Variants in CC2D2A observed in about 807,000 individuals in gnomAD.
CC2D2A encodes coiled-coil and C2 domain containing 2A.
In CC2D2A, 155 loss-of-function variants were observed where a neutral mutation model predicts 212.9. The ratio of observed to expected loss-of-function variants is 0.73; its 90% confidence interval spans 0.64 to 0.83. CC2D2A has a LOEUF of 0.83. Ranked by LOEUF, CC2D2A falls within the 40% of genes least tolerant of loss-of-function variation. The probability of loss-of-function intolerance (pLI) is 0.00; values close to 1 mark genes in which losing one functional copy is unlikely to be tolerated. For missense variants in CC2D2A, 1,856 were observed against 1,956.2 expected (o/e 0.95, Z 0.97); for synonymous variants, 667 against 686.5 (o/e 0.97, Z 0.44).
At chr4:15,555,267 C>A in intron 20 of CC2D2A, 57 bp downstream of exon 20, 1 of 1,584,726 alleles carries the variant, frequency 6.3e-7, no homozygotes, top group Non-Finnish European at 8.6e-7. Flanking sequence ...CACAATTTTC[C>A]TTTACACTAT....
intron 7 of CC2D2A, 55 bp downstream of exon 7, chr4:15,510,295 C>A: frequency 6.8e-7 from 1 of 1,475,092 alleles, no homozygotes; most frequent in Non-Finnish European, 9.4e-7. Context: ...TTACAAATAT[C>A]CAATGACACA....
chr4:15,567,264 C>A, intron 24 of CC2D2A, 113 bp from the exon 25 acceptor site: 1 of 796,166 alleles, frequency 1.3e-6, no homozygotes. Flanking sequence ...TGCCACTGCA[C>A]TTCAGCTTGG....
intron 32 of CC2D2A, among the ~76,000 whole-genome samples, chr4:15,588,601 G>A (rs2109091113): frequency 6.6e-6 from 1 of 152,294 alleles, no homozygotes; most frequent in African/African-American, 2.4e-5. Flanking sequence ...TCGATAGCAT[G>A]AGTTGCTGCA....
chr4:15,500,459 A>G (rs1336165598), intron 4 of CC2D2A, among the ~76,000 whole-genome samples: 2 of 152,172 alleles, frequency 1.3e-5, no homozygotes, highest in Non-Finnish European at 2.9e-5. Flanking sequence ...TTTTAAAAGA[A>G]TGCCAAAGGC....
rs1490910806 is a variant in CC2D2A at position 15,555,188 on chromosome 4, C to T, written c.2603C>T (p.Ala868Val). The T allele has an allele frequency of 6.2e-7, 1 of 1,613,716 alleles. No individual in the cohort carries two copies. Among genetic ancestry groups the T allele is most frequent in the Non-Finnish European group, 8.5e-7 (1 of 1,179,766 alleles). ...SKLDPNDPNN[A>V]PLMQLISVAT... Reference sequence around the variant, plus strand: ...CTCGACCCAAATGACCCCAACAATGCCCCTTTGATGCAGCTTATCTCGGTA... The same window carrying T: ...CTCGACCCAAATGACCCCAACAATGTCCCTTTGATGCAGCTTATCTCGGTA... The change falls in exon 20 of 37, where the codon GCC (alanine) becomes GTC (valine). Residue 868 changes from alanine to valine, a missense_variant. Coordinates refer to ENST00000424120, the MANE Select transcript of CC2D2A (RefSeq NM_001378615.1).
intron 28 of CC2D2A, 108 bp from the exon 29 acceptor site, chr4:15,574,042 C>T (rs1239443045): frequency 1.1e-5 from 10 of 894,776 alleles, no homozygotes; most frequent in Admixed American, 2.8e-5. Context: ...GAATGCCAGT[C>T]TGAGCAATTT....
rs863225179 is a variant in CC2D2A at position 15,597,460 on chromosome 4, A to C, written c.4491A>C (p.Gln1497His). 1.3e-6 allele frequency: 2 copies of C among 1,553,190 alleles called. No individual in the cohort carries two copies. Reference sequence around the variant, plus strand: ...ACAAAGCAGCTGCAGCTGAGCTACAAGACAGGTAACATAACATCCATAAAT... The same window carrying C: ...ACAAAGCAGCTGCAGCTGAGCTACACGACAGGTAACATAACATCCATAAAT... ...RSDKAAAAEL[Q>H]DRIEKILKEK... is the part of the protein sequence containing the mutation. Residue 1497 changes from glutamine (Q) to histidine (H), a missense_variant, in exon 35 of 37, where the codon CAA becomes CAC. Coordinates refer to ENST00000424120, the MANE Select transcript of CC2D2A (RefSeq NM_001378615.1).
chr4:15,525,122 GT>G (rs1408817227), intron 11 of CC2D2A, among the ~76,000 whole-genome samples: 2 of 152,164 alleles, frequency 1.3e-5, no homozygotes, highest in African/African-American at 4.8e-5. Flanking sequence ...CCACTAGCAG[GT>G]TTTGGAACTT....
chr4:15,596,206 A>C lies in CC2D2A; in HGVS notation c.4436A>C (p.Gln1479Pro). The C allele has an allele frequency of 6.6e-7, 1 of 1,521,668 alleles. No individual in the cohort carries two copies. The highest frequency in any genetic ancestry group is 8.8e-7 in the Non-Finnish European group (1 of 1,135,112). The allele number at this position is 1,521,668 out of a possible 1,614,324, so 94.3% of individuals were successfully genotyped here. A position where few individuals can be genotyped will look rare whatever the true frequency, so the allele number is the denominator to read the frequency against. ...SLPYPGLSSV[Q>P]PEELIYQRSD... ...CCATATCCTGGCCTTTCCAGTGTTC[A>C]GGTATAAATCTTTTATTAACAGTTA... Residue 1479 changes from glutamine to proline, a missense_variant and splice_region_variant, in exon 34 of 37, where the codon CAG (glutamine) becomes CCG (proline). By Grantham distance (76) the Gln-to-Pro change is moderately conservative. This residue lies in a region of CC2D2A where 285 missense variants were observed against 278.4 expected (regional missense o/e 1.02). Transcript: ENST00000424120.
At position 15,574,355 on chromosome 4, in the gene CC2D2A, T is replaced by C. The variant is rs768048486; in HGVS notation, c.3771+29T>C. 12 of 1,496,684 alleles carry C rather than the reference T, an allele frequency of 8.0e-6. No individual in the cohort carries two copies. In the South Asian group the frequency reaches 1.6e-4, roughly 20 times the overall value. The allele number at this position is 1,496,684 out of a possible 1,614,324, so 92.7% of individuals were successfully genotyped here. On this transcript the variant is annotated intron_variant, in intron 29 of 36. Coordinates refer to ENST00000424120, the MANE Select transcript of CC2D2A (RefSeq NM_001378615.1). ...ACTACTTATAGTTTGGAAACCCATG[T>C]CTATGTTGATAAAACACAAGAAATG...
intron 1 of CC2D2A, among the ~76,000 whole-genome samples, chr4:15,473,729 G>A (rs1330404440): frequency 6.6e-6 from 1 of 152,172 alleles, no homozygotes; most frequent in Non-Finnish European, 1.5e-5. Flanking sequence ...GATGGTGTTT[G>A]ACCATGGTGA....
chr4:15,567,481 A>G lies in CC2D2A; in HGVS notation c.3287A>G (p.Gln1096Arg), dbSNP rs1338306683. ...PTHNADYPLG[Q>R]VLVRPFVEVS... Reference sequence around the variant, plus strand: ...CACAATGCTGACTACCCCCTCGGCCAGGTGAGAGATGCTGGACTTCAGCTT... The same window carrying G: ...CACAATGCTGACTACCCCCTCGGCCGGGTGAGAGATGCTGGACTTCAGCTT... The change falls in exon 25 of 37, where the codon CAG becomes CGG. Residue 1096 changes from glutamine to arginine, a missense_variant and splice_region_variant. Physicochemically the swap from Gln to Arg is conservative, Grantham distance 43. Transcript: ENST00000424120. The G allele has an allele frequency of 7.4e-6, 12 of 1,611,210 alleles. No individual in the cohort carries two copies. The East Asian group carries it at 2.7e-4, about 36-fold the overall frequency.
chr4:15,587,650 G>T lies in CC2D2A; in HGVS notation c.4066-166G>T, dbSNP rs549552451. ...GAAAACACCATGCCCACTAAAAGTGGTTTTTTAAAAAAATGAATTATCAAC... is the reference window on the plus strand; with the variant it reads ...GAAAACACCATGCCCACTAAAAGTGTTTTTTTAAAAAAATGAATTATCAAC... On this transcript the variant is annotated intron_variant, in intron 31 of 36. Transcript: ENST00000424120. Among the ~76,000 whole-genome samples, 11 of 152,164 alleles carry T rather than the reference G, an allele frequency of 7.2e-5. No homozygotes were observed. In the South Asian group the frequency reaches 2.3e-3, roughly 32 times the overall value.
Position 15,569,694 on chromosome 4 carries a change from G to A in CC2D2A, c.3495+305G>A, listed in dbSNP as rs189600993. Among the ~76,000 whole-genome samples the A allele has an allele frequency of 7.6e-4, 116 of 152,328 alleles. No individual in the cohort carries two copies. In the South Asian group the frequency reaches 0.017, roughly 23 times the overall value. On this transcript the variant is annotated intron_variant, in intron 27 of 36. Coordinates refer to ENST00000424120, the MANE Select transcript of CC2D2A (RefSeq NM_001378615.1). Reference sequence around the variant, plus strand: ...ATAGGATAAAAAAAGATCATGGGAAGATGTGCTCTGCTACAAGAGTTTGTG... The same window carrying A: ...ATAGGATAAAAAAAGATCATGGGAAAATGTGCTCTGCTACAAGAGTTTGTG...
intron 13 of CC2D2A, among the ~76,000 whole-genome samples, chr4:15,529,816 CT>C (rs533868904): frequency 2.8e-3 from 341 of 121,242 alleles, no homozygotes; most frequent in African/African-American, 5.4e-3. Flanking sequence ...TAAATCGAGG[CT>C]TTTTTTTTTT....
chr4:15,507,108 A>C (rs1716308264), intron 6 of CC2D2A, among the ~76,000 whole-genome samples: 1 of 151,810 alleles, frequency 6.6e-6, no homozygotes, highest in Non-Finnish European at 1.5e-5. Context: ...AAATCCTTAC[A>C]CTGGGTAATA....
chr4:15,494,890 G>A (rs1715525724), intron 4 of CC2D2A, among the ~76,000 whole-genome samples: 1 of 152,158 alleles, frequency 6.6e-6, no homozygotes, highest in East Asian at 1.9e-4. Context: ...ACAGAATGGT[G>A]ACTTCACAAA....
rs377448964 is a variant in CC2D2A at position 15,528,682 on chromosome 4, C to T, written c.1422C>T (p.Leu474=). The T allele has an allele frequency of 8.1e-6, 13 of 1,613,270 alleles. No homozygotes were observed. The African/African-American group carries it at 9.3e-5, about 12-fold the overall frequency. ...GLDPEKPHQS[L]DTIQKTINEY... The stretch of plus-strand genomic sequence containing the variant: ...ATCCAGAAAAACCTCATCAGTCTCT[C>T]GATACCATCCAAAAAACCATCAATG... Residue 474 remains leucine, a synonymous_variant, in exon 13 of 37, where the codon CTC becomes CTT. Coordinates refer to ENST00000424120, the MANE Select transcript of CC2D2A (RefSeq NM_001378615.1).
In CC2D2A at chr4:15,559,230, G is replaced by A. The variant is rs1189706886; in HGVS notation, c.2895G>A (p.Arg965=). ...IETKEHIDTH[R]AIVAKYLQQV... is the part of the protein sequence containing the mutation. ...CCAAGGAACACATAGACACCCATAG[G>A]GCCATAGTAGCCAAGTACCTCCAGC... The change falls in exon 22 of 37, where the codon AGG becomes AGA. Residue 965 remains arginine, a synonymous_variant. Transcript: ENST00000424120. 13 of 1,552,938 alleles carry A rather than the reference G, an allele frequency of 8.4e-6. No homozygotes were observed. Among genetic ancestry groups the A allele is most frequent in the Non-Finnish European group, 1.1e-5 (13 of 1,147,694 alleles).
Sources: allele counts gnomAD v4.1 joint callset (sites outside exome capture counted in the v4.1 genomes callset), GRCh38; gene constraint gnomAD v4.1.1; regional missense constraint gnomAD v4.1.1; transcripts MANE v1.5; gene names NCBI Gene and HGNC (gene_info 2026-07-23, HGNC 2026-07-21).